SLC24A3: variants seen among roughly 807,000 people sequenced by gnomAD.
SLC24A3 encodes sodium/potassium/calcium exchanger 3.
In SLC24A3, 28 loss-of-function variants were observed where a neutral mutation model predicts 75.8. The observed-to-expected ratio is 0.37, with a 90% CI of 0.27 to 0.51. SLC24A3 has a LOEUF of 0.51. Among genes scored for constraint, SLC24A3 ranks in the 20% least tolerant of loss-of-function variants. SLC24A3 has a pLI of 0.94. For synonymous variants in SLC24A3, 372 were observed against 334.1 expected (o/e 1.11, Z -1.24); for missense variants, 663 against 847.8 (o/e 0.78, Z 2.71).
At chr20:19,247,089 T>A (rs1228603072) in intron 1 of SLC24A3, among the ~76,000 whole-genome samples, 4 of 152,162 alleles carry the variant, frequency 2.6e-5, no homozygotes, top group African/African-American at 9.6e-5. Context: ...ATACGTTTTT[T>A]AAATAAAAAA....
intron 2 of SLC24A3, among the ~76,000 whole-genome samples, chr20:19,462,354 G>A (rs996892812): frequency 3.3e-5 from 5 of 151,934 alleles, no homozygotes; most frequent in African/African-American, 1.2e-4. Flanking sequence ...CCACCTCCTG[G>A]GTTCACGCCA....
chr20:19,636,013 G>A lies in SLC24A3; in HGVS notation c.613-18049G>A, dbSNP rs543021042. The stretch of plus-strand genomic sequence containing the variant: ...AAATTAGCCAGGCGTGGTGGCGGGC[G>A]CCTGTGGTCCCAGCTACTTGGGAGG... On this transcript the variant is annotated intron_variant, in intron 6 of 16. Coordinates refer to ENST00000328041, the MANE Select transcript of SLC24A3 (RefSeq NM_020689.4). 2.2e-4 allele frequency among the ~76,000 whole-genome samples: 34 copies of A among 152,244 alleles called. No individual in the cohort carries two copies. In the South Asian group the frequency reaches 2.7e-3, roughly 12 times the overall value.
intron 2 of SLC24A3, among the ~76,000 whole-genome samples, chr20:19,336,300 G>C (rs1295120889): frequency 1.3e-5 from 2 of 152,214 alleles, no homozygotes; most frequent in Non-Finnish European, 2.9e-5. Context: ...TGGTAGAACA[G>C]TGCATTCAAG....
intron 2 of SLC24A3, among the ~76,000 whole-genome samples, chr20:19,316,659 G>A (rs1260879407): frequency 2.0e-5 from 3 of 152,226 alleles, no homozygotes; most frequent in Non-Finnish European, 4.4e-5. Context: ...GTCCAGGCCA[G>A]GTTGGCCCTA....
At chr20:19,284,085 C>A (rs995517289) in intron 2 of SLC24A3, 1 of 152,944 alleles carries the variant, frequency 6.5e-6, no homozygotes, top group East Asian at 1.9e-4. Flanking sequence ...CTATTTCTAA[C>A]AACAGGATCA....
chr20:19,316,053 A>G (rs769221693), intron 2 of SLC24A3, among the ~76,000 whole-genome samples: 3 of 152,224 alleles, frequency 2.0e-5, no homozygotes, highest in Admixed American at 6.5e-5. Flanking sequence ...TGGTAATAGC[A>G]TGGCTGGGGG....
chr20:19,599,998 G>C (rs963304907), intron 6 of SLC24A3, among the ~76,000 whole-genome samples: 1 of 152,152 alleles, frequency 6.6e-6, no homozygotes, highest in Admixed American at 6.5e-5. Flanking sequence ...TGTTGGCGTC[G>C]AAGTCCTTGC....
chr20:19,614,891 T>C (rs546660942), intron 6 of SLC24A3, among the ~76,000 whole-genome samples: 11 of 152,286 alleles, frequency 7.2e-5, no homozygotes, highest in African/African-American at 2.6e-4. Flanking sequence ...ACAACCCAAA[T>C]TGAAATTTGC....
At chr20:19,238,615 A>G (rs746012299) in intron 1 of SLC24A3, among the ~76,000 whole-genome samples, 6 of 152,190 alleles carry the variant, frequency 3.9e-5, no homozygotes, top group Non-Finnish European at 5.9e-5. Context: ...TTTGAACTTC[A>G]CAGTCACATT....
At chr20:19,532,293 C>G (rs2030316964) in intron 3 of SLC24A3, among the ~76,000 whole-genome samples, 1 of 152,204 alleles carries the variant, frequency 6.6e-6, no homozygotes, top group African/African-American at 2.4e-5. Context: ...GGGCTGGATA[C>G]TTGCGGAAGG....
At chr20:19,521,844 C>T (rs913266907) in intron 3 of SLC24A3, among the ~76,000 whole-genome samples, 2 of 152,170 alleles carry the variant, frequency 1.3e-5, no homozygotes, top group Admixed American at 6.5e-5. Context: ...GCAGGAGGTG[C>T]AGAAGGCCCC....
At chr20:19,395,238 G>T (rs1986434437) in intron 2 of SLC24A3, among the ~76,000 whole-genome samples, 1 of 152,178 alleles carries the variant, frequency 6.6e-6, no homozygotes, top group Non-Finnish European at 1.5e-5. Flanking sequence ...AGGTTTGCAA[G>T]ATGAAAAAGT....
intron 2 of SLC24A3, among the ~76,000 whole-genome samples, chr20:19,504,967 G>A (rs956486897): frequency 3.3e-5 from 5 of 152,194 alleles, no homozygotes; most frequent in African/African-American, 1.2e-4. Context: ...TACAGTAGCT[G>A]CTGGCTCAAA....
intron 2 of SLC24A3, among the ~76,000 whole-genome samples, chr20:19,327,480 G>T (rs1984891370): frequency 6.6e-6 from 1 of 152,208 alleles, no homozygotes; most frequent in African/African-American, 2.4e-5. Flanking sequence ...TCTACCCAGA[G>T]CCCCCTCTGG....
At chr20:19,480,237 C>T (rs1988031737) in intron 2 of SLC24A3, among the ~76,000 whole-genome samples, 1 of 152,166 alleles carries the variant, frequency 6.6e-6, no homozygotes, top group East Asian at 1.9e-4. Flanking sequence ...CACTTGGGTG[C>T]CTGGCCTTAA....
chr20:19,212,875 T>TCGC lies in SLC24A3; in HGVS notation c.54_56dup (p.Arg20dup), dbSNP rs761595384. On this transcript the variant is annotated inframe_insertion, in exon 1 of 17. Transcript: ENST00000328041. The stretch of plus-strand genomic sequence containing the variant: ...CGTCCGGCGACGAGGACCGCGCGCG[T>TCGC]CGCCGCCGCCGCCGCCGCCGCCGGA... 1,666 of 1,254,566 alleles carry TCGC rather than the reference T, an allele frequency of 1.3e-3. No homozygotes were observed. Among genetic ancestry groups the TCGC allele is most frequent in the East Asian group, 1.6e-3 (47 of 29,914 alleles). The allele number at this position is 1,254,566 out of a possible 1,614,324, so 77.7% of individuals were successfully genotyped here.
intron 15 of SLC24A3, among the ~76,000 whole-genome samples, chr20:19,706,125 A>G (rs2032927200): frequency 6.6e-6 from 1 of 152,210 alleles, no homozygotes; most frequent in African/African-American, 2.4e-5. Flanking sequence ...AGAGACCACC[A>G]GAGTCCAGAA....
chr20:19,271,179 A>C (rs1983319376), intron 1 of SLC24A3, among the ~76,000 whole-genome samples: 1 of 152,248 alleles, frequency 6.6e-6, no homozygotes, highest in Admixed American at 6.5e-5. Context: ...GAAAGCTCTG[A>C]AACCAGGATG....
At chr20:19,590,924 T>C (rs918232693) in intron 6 of SLC24A3, among the ~76,000 whole-genome samples, 1 of 152,194 alleles carries the variant, frequency 6.6e-6, no homozygotes, top group Non-Finnish European at 1.5e-5. Flanking sequence ...CCTCCAGCAG[T>C]TGGTCCAGGA....
Sources: allele counts gnomAD v4.1 joint callset (sites outside exome capture counted in the v4.1 genomes callset), GRCh38; gene constraint gnomAD v4.1.1; transcripts MANE v1.5; gene names NCBI Gene and HGNC (gene_info 2026-07-23, HGNC 2026-07-21).